Variants in KAZN observed in about 807,000 individuals in gnomAD.
KAZN encodes the protein kazrin, periplakin interacting protein.
KAZN carries 40 observed loss-of-function variants against 87.4 expected under a neutral mutation model. That is an observed-to-expected ratio of 0.46 (90% CI 0.36 to 0.60). The LOEUF (loss-of-function observed/expected upper bound fraction) is 0.60. Among genes scored for constraint, KAZN ranks in the 20% least tolerant of loss-of-function variants. The pLI is 0.00. For synonymous variants in KAZN, 466 were observed against 458.3 expected (o/e 1.02, Z -0.22); for missense variants, 898 against 1,073.9 (o/e 0.84, Z 2.29).
intron 2 of KAZN, among the ~76,000 whole-genome samples, chr1:14,544,700 CTA>C (rs1224801840): frequency 6.7e-6 from 1 of 148,350 alleles, no homozygotes; most frequent in Admixed American, 6.8e-5. Flanking sequence ...TTAAGGGAAA[CTA>C]AGGATGCTCA....
intron 2 of KAZN, among the ~76,000 whole-genome samples, chr1:14,276,264 A>ACAT (rs36027877): frequency 0.042 from 6,426 of 151,504 alleles, 471 homozygotes; most frequent in African/African-American, 0.15. Flanking sequence ...TACTTCATCA[A>ACAT]CATCATCATC....
At chr1:14,268,514 G>A (rs962489359) in intron 2 of KAZN, among the ~76,000 whole-genome samples, 1 of 151,752 alleles carries the variant, frequency 6.6e-6, no homozygotes, top group Non-Finnish European at 1.5e-5. Flanking sequence ...CACAGATTGA[G>A]AGGAAGGGGT....
chr1:14,851,161 G>C (rs1649388810), intron 1 of KAZN, among the ~76,000 whole-genome samples: 1 of 152,136 alleles, frequency 6.6e-6, no homozygotes, highest in Non-Finnish European at 1.5e-5. Context: ...GCTCACAGCT[G>C]TATTAGGGAG....
chr1:14,863,946 G>A (rs922925221), intron 1 of KAZN, among the ~76,000 whole-genome samples: 3 of 152,202 alleles, frequency 2.0e-5, no homozygotes, highest in Admixed American at 1.3e-4. Flanking sequence ...ATGTGCAGCT[G>A]AAAGGTAACA....
chr1:14,343,439 C>T (rs1169635207), intron 2 of KAZN, among the ~76,000 whole-genome samples: 2 of 152,072 alleles, frequency 1.3e-5, no homozygotes, highest in African/African-American at 2.4e-5. Flanking sequence ...TTTCCTTGGT[C>T]GAGAGCTATG....
intron 2 of KAZN, among the ~76,000 whole-genome samples, chr1:14,292,811 G>T (rs2100752136): frequency 6.6e-6 from 1 of 152,328 alleles, no homozygotes; most frequent in East Asian, 1.9e-4. Flanking sequence ...CCTTCTCAGT[G>T]CACCTGTTTC....
intron 1 of KAZN, among the ~76,000 whole-genome samples, chr1:14,879,341 T>C (rs1653089502): frequency 6.6e-6 from 1 of 152,238 alleles, no homozygotes; most frequent in Non-Finnish European, 1.5e-5. Context: ...AAATACTCAA[T>C]ATGTAATAGA....
At chr1:14,329,615 G>T (rs575455811) in intron 2 of KAZN, among the ~76,000 whole-genome samples, 1 of 152,270 alleles carries the variant, frequency 6.6e-6, no homozygotes, top group African/African-American at 2.4e-5. Flanking sequence ...CAAAGACCAT[G>T]TTGGTTCCTC....
chr1:14,503,131 A>G (rs969857495), intron 2 of KAZN, among the ~76,000 whole-genome samples: 2 of 151,910 alleles, frequency 1.3e-5, no homozygotes, highest in Non-Finnish European at 2.9e-5. Context: ...TTTTGCCTCC[A>G]TTTCCTCCTC....
intron 1 of KAZN, among the ~76,000 whole-genome samples, chr1:14,719,573 TCAC>T (rs1642984769): frequency 6.6e-6 from 1 of 152,198 alleles, no homozygotes; most frequent in Non-Finnish European, 1.5e-5. Flanking sequence ...GCGTGGTGGC[TCAC>T]ACTTGTAATC....
intron 1 of KAZN, among the ~76,000 whole-genome samples, chr1:14,776,082 TCA>T (rs1645168049): frequency 6.6e-6 from 1 of 152,248 alleles, no homozygotes. Flanking sequence ...CGATCTCAGC[TCA>T]CTGCAACTTC....
chr1:14,706,955 G>A (rs143778135), intron 1 of KAZN, among the ~76,000 whole-genome samples: 9 of 152,306 alleles, frequency 5.9e-5, no homozygotes, highest in South Asian at 2.1e-4. Flanking sequence ...CATCATATCC[G>A]TATTTAGATG....
chr1:14,225,828 A>T (rs1269823335), intron 2 of KAZN, among the ~76,000 whole-genome samples: 1 of 152,114 alleles, frequency 6.6e-6, no homozygotes, highest in Non-Finnish European at 1.5e-5. Flanking sequence ...TTGAAACTGG[A>T]CCCTGCATTT....
intron 2 of KAZN, among the ~76,000 whole-genome samples, chr1:14,510,729 T>G (rs955020942): frequency 3.9e-5 from 6 of 152,110 alleles, no homozygotes; most frequent in African/African-American, 1.4e-4. Context: ...AGAGAGTCAA[T>G]GTTGATCAGG....
intron 2 of KAZN, among the ~76,000 whole-genome samples, chr1:15,016,440 C>T (rs183684051): frequency 2.2e-4 from 33 of 152,308 alleles, no homozygotes; most frequent in Admixed American, 6.5e-4. Flanking sequence ...CGCATGCCAC[C>T]GTGCCCGGCT....
At chr1:14,236,921 C>A (rs1241319605) in intron 2 of KAZN, among the ~76,000 whole-genome samples, 1 of 151,910 alleles carries the variant, frequency 6.6e-6, no homozygotes, top group Non-Finnish European at 1.5e-5. Context: ...AAGACCCTGT[C>A]CCCCAAAATA....
At chr1:14,077,383 G>A (rs1643504031) in intron 1 of KAZN, among the ~76,000 whole-genome samples, 1 of 152,170 alleles carries the variant, frequency 6.6e-6, no homozygotes, top group African/African-American at 2.4e-5. Context: ...CTTTGGGAAG[G>A]CAAAGAAGAC....
intron 1 of KAZN, among the ~76,000 whole-genome samples, chr1:14,815,774 G>A (rs1219245644): frequency 6.6e-6 from 1 of 152,178 alleles, no homozygotes; most frequent in East Asian, 1.9e-4. Flanking sequence ...GCCTTGCAGA[G>A]GCTGAGCAGC....
chr1:14,689,383 C>G (rs573876647), intron 1 of KAZN, among the ~76,000 whole-genome samples: 1 of 152,126 alleles, frequency 6.6e-6, no homozygotes, highest in East Asian at 1.9e-4. Context: ...TTCTCCCATT[C>G]GCTCCTGATT....
Sources: gnomAD v4.1 joint callset for allele counts (sites outside exome capture counted in the v4.1 genomes callset) on GRCh38, gnomAD v4.1.1 for gene constraint, MANE v1.5 for transcripts, NCBI Gene and HGNC (gene_info 2026-07-23, HGNC 2026-07-21) for gene names.